The following PIK3C2G variants were observed in gnomAD, a reference collection of about 807,000 sequenced individuals.
PIK3C2G encodes the protein phosphatidylinositol-4-phosphate 3-kinase catalytic subunit type 2 gamma.
A neutral mutation model predicts 181.1 loss-of-function variants in PIK3C2G; 168 were observed. The ratio of observed to expected loss-of-function variants is 0.93; its 90% confidence interval spans 0.82 to 1.05. The LOEUF (loss-of-function observed/expected upper bound fraction) is 1.05, where lower values mean the gene tolerates loss of function less well. Among genes scored for constraint, PIK3C2G ranks in the 50% least tolerant of loss-of-function variants. The probability of loss-of-function intolerance (pLI) is 0.00; values close to 1 mark genes in which losing one functional copy is unlikely to be tolerated. For synonymous variants in PIK3C2G, 573 were observed against 592.2 expected (o/e 0.97, Z 0.47); for missense variants, 1,869 against 1,732.8 (o/e 1.08, Z -1.40).
At chr12:18,362,724 A>C (rs1941350759) in intron 11 of PIK3C2G, 40 bp from the exon 12 acceptor site, 1 of 1,432,648 alleles carries the variant, frequency 7.0e-7, no homozygotes, top group African/African-American at 1.5e-5. Flanking sequence ...TAGTTTCTTT[A>C]AAGTGCTAAG....
chr12:18,310,810 C>T (rs1950605807), intron 5 of PIK3C2G, among the ~76,000 whole-genome samples: 2 of 151,860 alleles, frequency 1.3e-5, no homozygotes, highest in Admixed American at 1.3e-4. Context: ...AATAATATAG[C>T]AGAAGGCATT....
rs1944134892 is a variant in PIK3C2G at position 18,399,743 on chromosome 12, T to TA, written c.2212dup (p.Ser738LysfsTer7). ...ACTGCTCCCTTCCTTTAGTCCTGGG[T>TA]AGTGCCCCTGGATGGGATGAAAGGA... On this transcript the variant is annotated frameshift_variant, in exon 16 of 33. Coordinates refer to ENST00000538779, the MANE Select transcript of PIK3C2G (RefSeq NM_001288772.2). LOFTEE classifies it high-confidence loss of function. The TA allele has an allele frequency of 6.2e-7, 1 of 1,605,970 alleles. No individual in the cohort carries two copies. The highest frequency in any genetic ancestry group is 1.3e-5 in the African/African-American group (1 of 74,856).
At chr12:18,458,290 A>T (rs1488872836) in intron 18 of PIK3C2G, among the ~76,000 whole-genome samples, 2 of 152,194 alleles carry the variant, frequency 1.3e-5, no homozygotes, top group African/African-American at 4.8e-5. Flanking sequence ...TTTTCTGGGC[A>T]TACTGTGTTA....
intron 6 of PIK3C2G, among the ~76,000 whole-genome samples, chr12:18,315,231 C>A (rs1487877309): frequency 6.6e-6 from 1 of 151,906 alleles, no homozygotes; most frequent in Admixed American, 6.6e-5. Context: ...CATAATGAGG[C>A]CAAAAGACAG....
the PIK3C2G span, chr12:18,683,385 G>C: frequency 6.5e-7 from 1 of 1,544,574 alleles, no homozygotes; most frequent in Non-Finnish European, 8.9e-7. Context: ...GTCTCCAATA[G>C]CCTTGCTGAG....
At position 18,346,662 on chromosome 12, in the gene PIK3C2G, C is replaced by T; in HGVS notation, c.1451C>T (p.Thr484Ile). ...CTAGGCTTGATAGAGAAGGTAACAA[C>T]TGAACTATCCACATCCATCTACCAG... is the stretch of plus-strand genomic sequence containing the variant. ...SAKGLIEKVT[T>I]ELSTSIYQLI... is the part of the protein sequence containing the mutation. Residue 484 changes from threonine (T) to isoleucine (I), a missense_variant, in exon 11 of 33, where the codon ACT (threonine) becomes ATT (isoleucine). Transcript: ENST00000538779. 12 of 1,610,626 alleles carry T rather than the reference C, an allele frequency of 7.5e-6. No individual in the cohort carries two copies. The highest frequency in any genetic ancestry group is 1.0e-5 in the Non-Finnish European group (12 of 1,177,698).
chr12:18,329,832 T>C (rs974355712), intron 8 of PIK3C2G, among the ~76,000 whole-genome samples: 3 of 152,114 alleles, frequency 2.0e-5, no homozygotes, highest in Non-Finnish European at 4.4e-5. Flanking sequence ...CACCAACTTA[T>C]AGTACAGTCC....
intron 24 of PIK3C2G, among the ~76,000 whole-genome samples, chr12:18,506,655 T>A (rs1941856529): frequency 6.6e-6 from 1 of 152,308 alleles, no homozygotes; most frequent in East Asian, 1.9e-4. Flanking sequence ...TATTATTTAC[T>A]GAAATAAGGA....
At chr12:18,430,271 C>A (rs1479006873) in intron 18 of PIK3C2G, among the ~76,000 whole-genome samples, 2 of 152,118 alleles carry the variant, frequency 1.3e-5, no homozygotes, top group Non-Finnish European at 2.9e-5. Flanking sequence ...CTCCTCCTAC[C>A]AAGTCTGATT....
intron 24 of PIK3C2G, among the ~76,000 whole-genome samples, chr12:18,513,215 T>C (rs936541697): frequency 1.3e-5 from 2 of 151,866 alleles, no homozygotes; most frequent in Non-Finnish European, 3.0e-5. Context: ...TTCTTGAGTA[T>C]TTTTGCATCT....
At chr12:18,344,984 A>G (rs1374457256) in intron 10 of PIK3C2G, among the ~76,000 whole-genome samples, 1 of 152,176 alleles carries the variant, frequency 6.6e-6, no homozygotes, top group East Asian at 1.9e-4. Context: ...AAAAGCAAAA[A>G]GTAGAGTTTA....
At chr12:18,252,791 GA>G (rs1948107677) in intron 1 of PIK3C2G, among the ~76,000 whole-genome samples, 1 of 152,194 alleles carries the variant, frequency 6.6e-6, no homozygotes, top group Non-Finnish European at 1.5e-5. Context: ...GGAAGGCAGA[GA>G]ATTCTTTTAC....
chr12:18,694,109 G>T, the PIK3C2G span: 1 of 994,564 alleles, frequency 1.0e-6, no homozygotes, highest in Non-Finnish European at 1.6e-6. Flanking sequence ...GTGAACTACG[G>T]CTGCCATCAG....
chr12:18,519,019 C>T (rs574947188), intron 24 of PIK3C2G, among the ~76,000 whole-genome samples: 44 of 152,286 alleles, frequency 2.9e-4, no homozygotes, highest in African/African-American at 1.1e-3. Context: ...GCTGGTTGTT[C>T]AATTTCTATG....
At chr12:18,421,292 C>T (rs1046179543) in intron 17 of PIK3C2G, among the ~76,000 whole-genome samples, 6 of 151,802 alleles carry the variant, frequency 4.0e-5, no homozygotes, top group Non-Finnish European at 8.8e-5. Flanking sequence ...TAGACATGCT[C>T]ATGATACAAA....
At chr12:18,471,679 G>A (rs1938473876) in intron 18 of PIK3C2G, among the ~76,000 whole-genome samples, 1 of 151,966 alleles carries the variant, frequency 6.6e-6, no homozygotes, top group African/African-American at 2.4e-5. Context: ...CAATTATTCT[G>A]AACAATGGTA....
At chr12:18,258,274 T>G (rs1349801801), upstream of PIK3C2G, among the ~76,000 whole-genome samples, 10 of 130,430 alleles carry the variant, frequency 7.7e-5, no homozygotes, top group Admixed American at 7.8e-4. Context: ...TTACTTCCCA[T>G]ACCATTTTTT....
chr12:18,713,108 T>C, the PIK3C2G span: 12 of 1,327,998 alleles, frequency 9.0e-6, no homozygotes, highest in Non-Finnish European at 1.2e-5. Context: ...TCCATAAAAC[T>C]CTATAAAAAC....
chr12:18,640,659 A>G (rs1949797951), intron 32 of PIK3C2G, 105 bp downstream of exon 32: 2 of 1,023,474 alleles, frequency 2.0e-6, no homozygotes, highest in Non-Finnish European at 2.9e-6. Context: ...GCATTATTTC[A>G]TAAAGGAAAG....
Sources: allele counts gnomAD v4.1 joint callset (sites outside exome capture counted in the v4.1 genomes callset), GRCh38; gene constraint gnomAD v4.1.1; transcripts MANE v1.5; gene names NCBI Gene and HGNC (gene_info 2026-07-23, HGNC 2026-07-21).